Variants in IFT57 observed in about 807,000 individuals in gnomAD.
IFT57 encodes intraflagellar transport protein 57 homolog.
IFT57 carries 59 observed loss-of-function variants against 56.8 expected under a neutral mutation model. The observed-to-expected ratio is 1.04, with a 90% CI of 0.84 to 1.29. The LOEUF (loss-of-function observed/expected upper bound fraction) is 1.29, where lower values mean the gene tolerates loss of function less well. Ranked by LOEUF, IFT57 falls within the 50% of genes most tolerant of loss-of-function variation. The pLI is 0.00. For missense variants in IFT57, 470 were observed against 522.1 expected (o/e 0.90, Z 0.97); for synonymous variants, 209 against 186.1 (o/e 1.12, Z -1.00).
At chr3:108,172,841 T>A (rs916593116) in intron 6 of IFT57, among the ~76,000 whole-genome samples, 2 of 151,936 alleles carry the variant, frequency 1.3e-5, no homozygotes, top group East Asian at 3.9e-4. Flanking sequence ...GGAATTTGTG[T>A]TTGCACTTAA....
chr3:108,213,689 T>C, intron 4 of IFT57: 1 of 361,284 alleles, frequency 2.8e-6, no homozygotes, highest in Non-Finnish European at 5.0e-6. Context: ...TAACTAGTGG[T>C]ATATATTTCC....
At position 108,197,361 on chromosome 3, in the gene IFT57, C is replaced by T. The variant is rs796734748; in HGVS notation, c.655-5718G>A. 2.0e-4 allele frequency among the ~76,000 whole-genome samples: 30 copies of T among 152,152 alleles called. No individual in the cohort carries two copies. In the South Asian group the frequency reaches 4.4e-3, roughly 22 times the overall value. On this transcript the variant is annotated intron_variant, in intron 5 of 10. Coordinates refer to ENST00000264538, the MANE Select transcript of IFT57 (RefSeq NM_018010.4). ...CCAGTTAATGGGAGTAATAATTGGT[C>T]CTAGGTAAAAGGAGAAACTGATGAG...
At chr3:108,173,157 TCTA>T (rs1423702760) in intron 6 of IFT57, among the ~76,000 whole-genome samples, 12 of 151,848 alleles carry the variant, frequency 7.9e-5, no homozygotes, top group African/African-American at 2.9e-4. Context: ...TAATATTCAT[TCTA>T]CTACTAAAAA....
intron 6 of IFT57, among the ~76,000 whole-genome samples, chr3:108,180,219 A>G (rs1258095354): frequency 2.0e-5 from 3 of 151,992 alleles, no homozygotes; most frequent in Non-Finnish European, 4.4e-5. Context: ...CTGTTACTAA[A>G]GAGTTTTCAT....
intron 7 of IFT57, 32 bp from the exon 8 acceptor site, chr3:108,167,017 A>G: frequency 1.3e-6 from 2 of 1,576,876 alleles, no homozygotes; most frequent in African/African-American, 2.7e-5. Flanking sequence ...CAGATAGAAG[A>G]ACTCACAAAC....
intron 6 of IFT57, among the ~76,000 whole-genome samples, chr3:108,177,197 C>T (rs991401103): frequency 2.0e-5 from 3 of 151,678 alleles, no homozygotes; most frequent in Non-Finnish European, 4.4e-5. Context: ...GAATTGAAAA[C>T]ATTCTTAGGA....
At position 108,206,679 on chromosome 3, in the gene IFT57, A is replaced by C; in HGVS notation, c.603T>G (p.Asn201Lys). The change falls in exon 5 of 11, where the codon AAT becomes AAG. Residue 201 changes from asparagine to lysine, a missense_variant. Coordinates refer to ENST00000264538, the MANE Select transcript of IFT57 (RefSeq NM_018010.4). Reference sequence around the variant, plus strand: ...CGTTGAGATCAATAAAGTTTTCTTCATTATCTGTCTCTTCTTCCTTAGAAA... The same window carrying C: ...CGTTGAGATCAATAAAGTTTTCTTCCTTATCTGTCTCTTCTTCCTTAGAAA... Reference protein sequence around the residue: ...DEEFVEEETDNEENFIDLNVL... With the variant: ...DEEFVEEETDKEENFIDLNVL... 1 of 1,341,162 alleles carries C rather than the reference A, an allele frequency of 7.5e-7. No individual in the cohort carries two copies. The highest frequency in any genetic ancestry group is 1.0e-6 in the Non-Finnish European group (1 of 1,004,308). 83.1% of individuals were successfully genotyped at this position (1,341,162 alleles called of 1,614,324 possible). A position where few individuals can be genotyped will look rare whatever the true frequency, so the allele number is the denominator to read the frequency against.
chr3:108,216,735 T>A (rs1352808849), intron 3 of IFT57, among the ~76,000 whole-genome samples: 1 of 152,172 alleles, frequency 6.6e-6, no homozygotes, highest in Non-Finnish European at 1.5e-5. Context: ...TAAGTATCCA[T>A]CAAAGGTTGA....
At chr3:108,167,749 A>T (rs2080070224) in intron 7 of IFT57, 44 bp downstream of exon 7, 22 of 1,318,562 alleles carry the variant, frequency 1.7e-5, no homozygotes, top group Non-Finnish European at 2.3e-5. Flanking sequence ...GGTGTTCCAC[A>T]GATGAGTAAA....
chr3:108,202,706 T>C (rs545689689), intron 5 of IFT57, among the ~76,000 whole-genome samples: 12 of 152,340 alleles, frequency 7.9e-5, no homozygotes, highest in South Asian at 2.1e-4. Flanking sequence ...GCCTCACTAA[T>C]TGCAGTTGTT....
rs1045315774 is a variant in IFT57, at chr3:108,173,845, C to T, written c.778-5981G>A. 2.3e-5 allele frequency among the ~76,000 whole-genome samples: 3 copies of T among 131,422 alleles called. No homozygotes were observed. The South Asian group carries it at 7.6e-4, about 33-fold the overall frequency. 86.2% of individuals were successfully genotyped at this position (131,422 alleles called of 152,430 possible). On this transcript the variant is annotated intron_variant, in intron 6 of 10. Coordinates refer to ENST00000264538, the MANE Select transcript of IFT57 (RefSeq NM_018010.4). ...GTATATTATATACAGTAATATTAAA[C>T]ATTAAAATGTTAAATTCATGTTCTC... is the stretch of plus-strand genomic sequence containing the variant.
At chr3:108,168,763 T>C (rs926420247) in intron 6 of IFT57, among the ~76,000 whole-genome samples, 6 of 152,012 alleles carry the variant, frequency 3.9e-5, no homozygotes, top group Non-Finnish European at 8.8e-5. Context: ...TCTGTTCCTG[T>C]GTTAGTCTGC....
intron 4 of IFT57, among the ~76,000 whole-genome samples, chr3:108,213,545 G>T (rs13064111): frequency 1.3e-5 from 2 of 152,140 alleles, no homozygotes; most frequent in Non-Finnish European, 1.5e-5. Context: ...GATGAATAAA[G>T]GAATTCCTTA....
At chr3:108,195,982 A>G (rs2080242464) in intron 5 of IFT57, among the ~76,000 whole-genome samples, 1 of 152,162 alleles carries the variant, frequency 6.6e-6, no homozygotes, top group Admixed American at 6.5e-5. Flanking sequence ...AAAATACCTA[A>G]AAATGTGGAA....
intron 8 of IFT57, among the ~76,000 whole-genome samples, chr3:108,165,936 T>A (rs898364819): frequency 6.6e-6 from 1 of 152,070 alleles, no homozygotes; most frequent in African/African-American, 2.4e-5. Context: ...CTGGAGTATG[T>A]CAGAAACTAA....
intron 10 of IFT57, 80 bp downstream of exon 10, chr3:108,163,583 A>G (rs1013889636): frequency 1.1e-6 from 1 of 897,362 alleles, no homozygotes; most frequent in East Asian, 2.4e-5. Flanking sequence ...TTATATATTA[A>G]TACTATTTTG....
intron 6 of IFT57, among the ~76,000 whole-genome samples, chr3:108,178,081 G>T (rs1386187219): frequency 4.0e-5 from 6 of 151,846 alleles, no homozygotes; most frequent in South Asian, 2.1e-4. Flanking sequence ...ATTTTCAATA[G>T]TATCAAATAA....
chr3:108,170,618 T>C (rs1161021592), intron 6 of IFT57, among the ~76,000 whole-genome samples: 1 of 151,694 alleles, frequency 6.6e-6, no homozygotes, highest in African/African-American at 2.4e-5. Flanking sequence ...CAAGCTACCA[T>C]TGACTTTCTA....
chr3:108,202,419 C>T (rs2080284171), intron 5 of IFT57, among the ~76,000 whole-genome samples: 1 of 152,234 alleles, frequency 6.6e-6, no homozygotes, highest in African/African-American at 2.4e-5. Flanking sequence ...CCCTACAGCG[C>T]TGAATATTCT....
Sources: allele counts gnomAD v4.1 joint callset (sites outside exome capture counted in the v4.1 genomes callset), GRCh38; gene constraint gnomAD v4.1.1; transcripts MANE v1.5; gene names NCBI Gene and HGNC (gene_info 2026-07-23, HGNC 2026-07-21).